The following ZNF777 variants were observed in gnomAD, a reference collection of about 807,000 sequenced individuals.
ZNF777 encodes the protein zinc finger protein 777.
Under a neutral mutation model 72.1 loss-of-function variants are expected in ZNF777, and 7 were observed. The observed-to-expected ratio is 0.10, with a 90% CI of 0.06 to 0.18. The LOEUF is 0.18. ZNF777 is among the 10% of genes least tolerant of loss of function. The pLI is 1.00. For missense variants in ZNF777, 828 were observed against 1,128.6 expected (o/e 0.73, Z 3.82); for synonymous variants, 545 against 483.5 (o/e 1.13, Z -1.67).
chr7:149,432,504 T>A lies in ZNF777; in HGVS notation c.1768A>T (p.Thr590Ser), dbSNP rs1235605655. ...EISFRHKQQLTLHQRIHRVRG... is the reference protein window; with the variant it reads ...EISFRHKQQLSLHQRIHRVRG... Reference sequence around the variant, plus strand: ...ACGCGGTGGATGCGCTGGTGCAGCGTGAGCTGTTGCTTGTGCCGGAAGCTG... The same window carrying A: ...ACGCGGTGGATGCGCTGGTGCAGCGAGAGCTGTTGCTTGTGCCGGAAGCTG... Residue 590 changes from threonine (T) to serine (S), a missense_variant, in exon 6 of 6, where the codon ACG (threonine) becomes TCG (serine). Physicochemically the swap from Thr to Ser is moderately conservative, Grantham distance 58. Coordinates refer to ENST00000247930, the MANE Select transcript of ZNF777 (RefSeq NM_015694.3). The A allele has an allele frequency of 6.2e-7, 1 of 1,613,694 alleles. No homozygotes were observed. Among genetic ancestry groups the A allele is most frequent in the Non-Finnish European group, 8.5e-7 (1 of 1,179,836 alleles).
In ZNF777 at chr7:149,460,036, C is replaced by T. The variant is rs973374561; in HGVS notation, c.-16+779G>A. On this transcript the variant is annotated intron_variant, in intron 1 of 5. Transcript: ENST00000247930. The surrounding 1 kb of genome is among the most constrained non-coding windows in gnomAD (Gnocchi z 6.1). ...TAGCGTTTCTGCCCCTTACCGAGAT[C>T]CCAGGCCGGGCCGCCGAGCCCGGGA... The T allele has an allele frequency of 5.1e-6, 5 of 982,022 alleles. No homozygotes were observed. In the African/African-American group the frequency reaches 8.8e-5, roughly 17 times the overall value. The allele number at this position is 982,022 out of a possible 1,614,324, so 60.8% of individuals were successfully genotyped here.
At position 149,436,859 on chromosome 7, in the gene ZNF777, AAAG is replaced by A; in HGVS notation, c.1088-36_1088-34del. The A allele has an allele frequency of 6.3e-7, 1 of 1,590,354 alleles. No homozygotes were observed. The highest frequency in any genetic ancestry group is 8.6e-7 in the Non-Finnish European group (1 of 1,162,104). ...AGGGTGGGCAGGGGTGAGGAGGAGA[AAAG>A]AACCCAGAATGTTCATGCCAACTGC... On this transcript the variant is annotated intron_variant, in intron 4 of 5. Coordinates refer to ENST00000247930, the MANE Select transcript of ZNF777 (RefSeq NM_015694.3). This position sits in a 1 kb window ranked among gnomAD's most constrained non-coding sequence, Gnocchi z 5.0.
intron 4 of ZNF777, among the ~76,000 whole-genome samples, chr7:149,438,279 T>G (rs1799451985): frequency 1.3e-5 from 2 of 152,144 alleles, no homozygotes; most frequent in African/African-American, 2.4e-5. Context: ...ATTACAGGCA[T>G]GAGCCACCAC....
At chr7:149,453,993 A>G (rs1799775059) in intron 3 of ZNF777, 118 bp downstream of exon 3, 1 of 1,465,526 alleles carries the variant, frequency 6.8e-7, no homozygotes, top group Non-Finnish European at 9.3e-7. Flanking sequence ...GATCTCTACA[A>G]CTCTGTTCTC....
intron 4 of ZNF777, among the ~76,000 whole-genome samples, chr7:149,438,532 T>C (rs1397221920): frequency 1.3e-5 from 2 of 152,192 alleles, no homozygotes; most frequent in African/African-American, 4.8e-5. Flanking sequence ...ACCAACTACA[T>C]GTCATGTGGT....
intron 1 of ZNF777, among the ~76,000 whole-genome samples, chr7:149,458,023 A>C (rs1799866052): frequency 6.6e-6 from 1 of 152,136 alleles, no homozygotes; most frequent in African/African-American, 2.4e-5. Context: ...TACCTCTAAA[A>C]TCCCGAGGCC....
In ZNF777 at chr7:149,455,460, A is replaced by G. The variant is rs745873084; in HGVS notation, c.563T>C (p.Val188Ala). 9.3e-6 allele frequency: 15 copies of G among 1,614,006 alleles called. No individual in the cohort carries two copies. The highest frequency in any genetic ancestry group is 1.0e-5 in the Non-Finnish European group (12 of 1,180,020). The change falls in exon 2 of 6, where the codon GTG (valine) becomes GCG (alanine). Residue 188 changes from valine (V) to alanine (A), a missense_variant. Physicochemically the swap from Val to Ala is moderately conservative, Grantham distance 64. Around this residue, in one of 12 missense-constraint regions of ZNF777, gnomAD observed 76 missense variants for 157.3 expected, o/e 0.48. Coordinates refer to ENST00000247930, the MANE Select transcript of ZNF777 (RefSeq NM_015694.3). The surrounding 1 kb of genome is among the most constrained non-coding windows in gnomAD (Gnocchi z 4.2). Reference sequence around the variant, plus strand: ...CTCCACTGCTTGGACGGCAGCCCACACAGCCAAGCGGGTGATCTCTGCCGT... The same window carrying G: ...CTCCACTGCTTGGACGGCAGCCCACGCAGCCAAGCGGGTGATCTCTGCCGT... Reference protein sequence around the residue: ...LPTAEITRLAVWAAVQAVERK... With the variant: ...LPTAEITRLAAWAAVQAVERK...
chr7:149,453,017 G>A (rs551803081), intron 3 of ZNF777, among the ~76,000 whole-genome samples: 13 of 152,202 alleles, frequency 8.5e-5, no homozygotes, highest in Non-Finnish European at 1.3e-4. Flanking sequence ...GGAGTCCTAC[G>A]TGTGCTGACA....
intron 3 of ZNF777, among the ~76,000 whole-genome samples, chr7:149,451,878 TTATACA>T (rs1470566688): frequency 6.6e-6 from 1 of 152,204 alleles, no homozygotes; most frequent in Non-Finnish European, 1.5e-5. Flanking sequence ...ATATCCATAG[TTATACA>T]TAAAGAACTT....
chr7:149,435,959 G>A (rs1003455865), intron 5 of ZNF777, among the ~76,000 whole-genome samples: 2 of 152,132 alleles, frequency 1.3e-5, no homozygotes, highest in African/African-American at 2.4e-5. Context: ...ATCAAGTAGG[G>A]CTTTTCCCGG....
At chr7:149,448,253 A>G (rs1373599321) in intron 4 of ZNF777, among the ~76,000 whole-genome samples, 1 of 151,710 alleles carries the variant, frequency 6.6e-6, no homozygotes, top group Non-Finnish European at 1.5e-5. Flanking sequence ...ATCACTTAAG[A>G]TTAGGAGTTC....
At chr7:149,450,907 G>A in intron 4 of ZNF777, 92 bp downstream of exon 4, 2 of 1,133,900 alleles carry the variant, frequency 1.8e-6, no homozygotes, top group Non-Finnish European at 2.5e-6. Flanking sequence ...ATCCTGGCAG[G>A]GCCTACCTTG....
chr7:149,435,835 T>A (rs1335029494), intron 5 of ZNF777, among the ~76,000 whole-genome samples: 1 of 152,156 alleles, frequency 6.6e-6, no homozygotes, highest in East Asian at 1.9e-4. Flanking sequence ...TTTCCAAAAT[T>A]AGATGAGAAT....
In ZNF777 at chr7:149,455,885, CAAA is replaced by C. The variant is rs1563241014; in HGVS notation, c.135_137del (p.Leu46del). 1.2e-6 allele frequency: 2 copies of C among 1,613,134 alleles called. No individual in the cohort carries two copies. Among genetic ancestry groups the C allele is most frequent in the Non-Finnish European group, 1.7e-6 (2 of 1,179,864 alleles). On this transcript the variant is annotated inframe_deletion, in exon 2 of 6. Transcript: ENST00000247930. This position sits in a 1 kb window ranked among gnomAD's most constrained non-coding sequence, Gnocchi z 4.2. ...AGCCTTGACGGGGAATGGTGGGAGA[CAAA>C]GAAGGAATTTCTTTGGGAGGAAGAA...
In ZNF777 at chr7:149,436,671, T is replaced by C. The variant is rs199689278; in HGVS notation, c.1243A>G (p.Met415Val). ...DPCGEQPDLD[M>V]QEPENTLEES... ...TCCAGCGTGTTCTCTGGCTCCTGCA[T>C]GTCCAGGTCTGGCTGTTCCCCACAG... The change falls in exon 5 of 6, where the codon ATG (methionine) becomes GTG (valine). Residue 415 changes from methionine (M) to valine (V), a missense_variant. Coordinates refer to ENST00000247930, the MANE Select transcript of ZNF777 (RefSeq NM_015694.3). The surrounding 1 kb of genome is among the most constrained non-coding windows in gnomAD (Gnocchi z 5.0). 7.9e-5 allele frequency: 127 copies of C among 1,614,186 alleles called. No individual in the cohort carries two copies. The African/African-American group carries it at 1.3e-3, about 16-fold the overall frequency.
chr7:149,453,725 C>A (rs75193672), intron 3 of ZNF777, among the ~76,000 whole-genome samples: 5 of 152,364 alleles, frequency 3.3e-5, no homozygotes, highest in Non-Finnish European at 7.3e-5. Flanking sequence ...GTGGCTGGTA[C>A]ACAGGAGACA....
intron 4 of ZNF777, among the ~76,000 whole-genome samples, chr7:149,446,876 A>T (rs1300657214): frequency 6.6e-6 from 1 of 152,116 alleles, no homozygotes; most frequent in East Asian, 1.9e-4. Context: ...GTCACTGATG[A>T]CTTTTAGCTT....
intron 3 of ZNF777, among the ~76,000 whole-genome samples, chr7:149,451,313 A>G (rs1799713276): frequency 1.3e-5 from 2 of 151,988 alleles, no homozygotes; most frequent in African/African-American, 4.8e-5. Context: ...CGGGGGGTAG[A>G]GGGATCGTGT....
intron 5 of ZNF777, among the ~76,000 whole-genome samples, chr7:149,434,793 G>A (rs1799384235): frequency 6.6e-6 from 1 of 152,108 alleles, no homozygotes. Context: ...ACATTGGACA[G>A]GCTGCTCTCG....
Sources: allele counts gnomAD v4.1 joint callset (sites outside exome capture counted in the v4.1 genomes callset), GRCh38; gene constraint gnomAD v4.1.1; regional missense constraint gnomAD v4.1.1; non-coding constraint Gnocchi (gnomAD v3.1); transcripts MANE v1.5; gene names NCBI Gene and HGNC (gene_info 2026-07-23, HGNC 2026-07-21).